SPTBN4: variants seen among roughly 807,000 people sequenced by gnomAD.
SPTBN4 encodes the protein spectrin beta chain, non-erythrocytic 4.
SPTBN4 carries 96 observed loss-of-function variants against 277.8 expected under a neutral mutation model. The observed-to-expected ratio is 0.35, with a 90% confidence interval of 0.29 to 0.41. SPTBN4 has a LOEUF of 0.41. Among genes scored for constraint, SPTBN4 ranks in the 10% least tolerant of loss-of-function variants. The pLI, the probability that SPTBN4 is intolerant of heterozygous loss-of-function variation, is 1.00. For synonymous variants in SPTBN4, 1,481 were observed against 1,580.3 expected, an observed-to-expected ratio of 0.94 and a Z score of 1.49; for missense variants, 3,006 against 3,595.7, an observed-to-expected ratio of 0.84 and a Z score of 4.19.
rs934600280 is a variant in SPTBN4, at chr19:40,539,578, G to A, written c.4359+5235G>A. Reference sequence around the variant, plus strand: ...TGCAACCTCCGCCTCCTGGCTTCAAGTGATTCTCCTGCCTCAGCGTCCTCC... The same window carrying A: ...TGCAACCTCCGCCTCCTGGCTTCAAATGATTCTCCTGCCTCAGCGTCCTCC... On this transcript the variant is annotated intron_variant, in intron 20 of 35. Transcript: ENST00000598249. 5.3e-5 allele frequency among the ~76,000 whole-genome samples: 8 copies of A among 152,280 alleles called. No individual in the cohort carries two copies. The South Asian group carries it at 1.7e-3, about 32-fold the overall frequency.
chr19:40,531,778 G>A (rs1008369142), intron 18 of SPTBN4, among the ~76,000 whole-genome samples: 10 of 151,936 alleles, frequency 6.6e-5, no homozygotes, highest in African/African-American at 2.2e-4. Context: ...TAGGGGTGGG[G>A]GTGCTGGCCG....
chr19:40,562,644 G>C (rs1300330775), intron 27 of SPTBN4, among the ~76,000 whole-genome samples: 1 of 151,154 alleles, frequency 6.6e-6, no homozygotes, highest in Non-Finnish European at 1.5e-5. Flanking sequence ...AGAGCAGCCT[G>C]ACCAACATAG....
Position 40,490,144 on chromosome 19 carries a change from A to T in SPTBN4, c.391A>T (p.Lys131Ter). ...ENVDKALQFL[K>*]EQRVHLENVG... is the part of the protein sequence containing the mutation. Reference sequence around the variant, plus strand: ...CGTGGACAAGGCGCTGCAGTTTCTGAAGGAGCAGCGCGTGCACCTGGAGAA... The same window carrying T: ...CGTGGACAAGGCGCTGCAGTTTCTGTAGGAGCAGCGCGTGCACCTGGAGAA... Residue 131 changes from lysine (K) to a stop codon, truncating the protein, a stop_gained, in exon 4 of 36, where the codon AAG (lysine) becomes TAG (stop). Transcript: ENST00000598249. LOFTEE classifies it high-confidence loss of function. The surrounding 1 kb of genome is among the most constrained non-coding windows in gnomAD (Gnocchi z 4.3). 1.2e-6 allele frequency: 2 copies of T among 1,614,128 alleles called. No homozygotes were observed. The highest frequency in any genetic ancestry group is 2.2e-5 in the South Asian group (2 of 91,084).
chr19:40,560,707 G>A lies in SPTBN4; in HGVS notation c.5915+304G>A. The A allele has an allele frequency of 1.4e-6, 2 of 1,405,006 alleles. No homozygotes were observed. Among genetic ancestry groups the A allele is most frequent in the Non-Finnish European group, 1.8e-6 (2 of 1,082,656 alleles). The allele number at this position is 1,405,006 out of a possible 1,614,324, so 87.0% of individuals were successfully genotyped here. On this transcript the variant is annotated intron_variant, in intron 27 of 35. Transcript: ENST00000598249. This position sits in a 1 kb window ranked among gnomAD's most constrained non-coding sequence, Gnocchi z 5.2. ...TAAAGACAGGATGGGCAAGGGAGGT[G>A]TGGGACTGTATTTGTGAGGGTGGGT...
intron 13 of SPTBN4, among the ~76,000 whole-genome samples, chr19:40,507,985 T>C (rs1450869340): frequency 6.6e-6 from 1 of 152,206 alleles, no homozygotes; most frequent in African/African-American, 2.4e-5. Context: ...GCAGAGCCAA[T>C]GGGACCCAGG....
In SPTBN4 at chr19:40,554,053, C is replaced by A; in HGVS notation, c.4675-94C>A. 7.9e-7 allele frequency: 1 copy of A among 1,267,258 alleles called. No homozygotes were observed. The highest frequency in any genetic ancestry group is 1.0e-6 in the Non-Finnish European group (1 of 975,850). The allele number at this position is 1,267,258 out of a possible 1,614,324, so 78.5% of individuals were successfully genotyped here. ...CGAGCTGGGGGTGCTTGTTAATTGC[C>A]CCGTGGGCCGTGCCAGTAGCAGAGG... On this transcript the variant is annotated intron_variant, in intron 22 of 35. Coordinates refer to ENST00000598249, the MANE Select transcript of SPTBN4 (RefSeq NM_020971.3). This position sits in a 1 kb window ranked among gnomAD's most constrained non-coding sequence, Gnocchi z 5.7.
At chr19:40,504,648 G>A (rs891017518) in intron 12 of SPTBN4, among the ~76,000 whole-genome samples, 12 of 149,970 alleles carry the variant, frequency 8.0e-5, no homozygotes, top group Non-Finnish European at 1.5e-4. Flanking sequence ...CAGCCTGGGC[G>A]ACAGAGCGAG....
chr19:40,565,452 A>G lies in SPTBN4; in HGVS notation c.5945A>G (p.Asn1982Ser). The G allele has an allele frequency of 6.2e-7, 1 of 1,614,034 alleles. No homozygotes were observed. Among genetic ancestry groups the G allele is most frequent in the Non-Finnish European group, 8.5e-7 (1 of 1,179,964 alleles). Residue 1982 changes from asparagine to serine, a missense_variant, in exon 28 of 36, where the codon AAC becomes AGC. Around this residue, in one of 5 missense-constraint regions of SPTBN4, gnomAD observed 425 missense variants for 594.7 expected, o/e 0.71. Transcript: ENST00000598249. The stretch of plus-strand genomic sequence containing the variant: ...GTGTCATCAGTGGAGGTGCTCATGA[A>G]CTACCACCAGGGCCTGAAGACTGAG... ...RDVSSVEVLM[N>S]YHQGLKTELE...
Position 40,567,674 on chromosome 19 carries a change from C to A in SPTBN4, c.6348C>A (p.Ile2116=). The A allele has an allele frequency of 7.6e-7, 1 of 1,320,848 alleles. No individual in the cohort carries two copies. The highest frequency in any genetic ancestry group is 1.3e-5 in the South Asian group (1 of 79,562). The allele number at this position is 1,320,848 out of a possible 1,614,324, so 81.8% of individuals were successfully genotyped here. A position where few individuals can be genotyped will look rare whatever the true frequency, so the allele number is the denominator to read the frequency against. Residue 2116 remains isoleucine (I), a synonymous_variant, in exon 31 of 36, where the codon ATC becomes ATA. Transcript: ENST00000598249. ...SLRRLTTIEK[I]KAEQSKQPPT... is the part of the protein sequence containing the mutation. Reference sequence around the variant, plus strand: ...CCCTCCATCCTCAGATCGAGAAAATCAAAGCGGAACAGAGCAAGCAGCCGC... The same window carrying A: ...CCCTCCATCCTCAGATCGAGAAAATAAAAGCGGAACAGAGCAAGCAGCCGC...
chr19:40,476,804 G>A (rs1372037918), intron 2 of SPTBN4, among the ~76,000 whole-genome samples: 1 of 152,020 alleles, frequency 6.6e-6, no homozygotes, highest in African/African-American at 2.4e-5. Flanking sequence ...AGCCAGGATG[G>A]TTTTGATCTC....
At chr19:40,493,781 A>G (rs1249004884) in intron 5 of SPTBN4, among the ~76,000 whole-genome samples, 1 of 152,180 alleles carries the variant, frequency 6.6e-6, no homozygotes, top group Non-Finnish European at 1.5e-5. Context: ...AATAAAATAG[A>G]ACTCTTGGAC....
chr19:40,544,694 G>A (rs754106641), intron 20 of SPTBN4, among the ~76,000 whole-genome samples: 2 of 151,744 alleles, frequency 1.3e-5, no homozygotes, highest in Admixed American at 6.6e-5. Context: ...GGTGATCCAC[G>A]CGCCTTGGCC....
Position 40,521,018 on chromosome 19 carries a change from G to A in SPTBN4, c.3654+867G>A, listed in dbSNP as rs147388327. ...CAGCTCACTGAAACCTCAGCCTCCC[G>A]GGTTCAAACGATTCTCCTGCCTCAG... is the stretch of plus-strand genomic sequence containing the variant. On this transcript the variant is annotated intron_variant, in intron 16 of 35. Coordinates refer to ENST00000598249, the MANE Select transcript of SPTBN4 (RefSeq NM_020971.3). Among the ~76,000 whole-genome samples the A allele has an allele frequency of 1.1e-4, 16 of 152,050 alleles. No individual in the cohort carries two copies. The East Asian group carries it at 1.2e-3, about 11-fold the overall frequency.
chr19:40,513,235 C>T lies in SPTBN4; in HGVS notation c.2446C>T (p.Arg816Cys). The change falls in exon 14 of 36, where the codon CGC becomes TGC. Residue 816 changes from arginine to cysteine, a missense_variant. This residue lies in a region of SPTBN4 where 1,759 missense variants were observed against 2,061.5 expected (regional missense o/e 0.85). Coordinates refer to ENST00000598249, the MANE Select transcript of SPTBN4 (RefSeq NM_020971.3). ...ASSRRLARQHRALTGEVEAHR... is the reference protein window; with the variant it reads ...ASSRRLARQHCALTGEVEAHR... The stretch of plus-strand genomic sequence containing the variant: ...CAGCCGCCGCCTGGCGCGCCAGCAC[C>T]GCGCGCTCACCGGGGAGGTGGAGGC... 6.6e-7 allele frequency: 1 copy of T among 1,516,084 alleles called. No homozygotes were observed. Among genetic ancestry groups the T allele is most frequent in the Non-Finnish European group, 8.8e-7 (1 of 1,139,086 alleles). 93.9% of individuals were successfully genotyped at this position (1,516,084 alleles called of 1,614,324 possible). A position where few individuals can be genotyped will look rare whatever the true frequency, so the allele number is the denominator to read the frequency against.
At position 40,554,681 on chromosome 19, in the gene SPTBN4, C is replaced by T. The variant is rs1290756337; in HGVS notation, c.5084+35C>T. ...CGCGTGGCCAGTTCACAGGAATGGT[C>T]CAGCAGGACCTGAAGCTTCGCTGTT... On this transcript the variant is annotated intron_variant, in intron 24 of 35. Coordinates refer to ENST00000598249, the MANE Select transcript of SPTBN4 (RefSeq NM_020971.3). This position sits in a 1 kb window ranked among gnomAD's most constrained non-coding sequence, Gnocchi z 5.7. 1 of 1,590,544 alleles carries T rather than the reference C, an allele frequency of 6.3e-7. No homozygotes were observed. Among genetic ancestry groups the T allele is most frequent in the Non-Finnish European group, 8.6e-7 (1 of 1,169,586 alleles).
intron 27 of SPTBN4, among the ~76,000 whole-genome samples, chr19:40,563,417 A>G (rs1427366416): frequency 6.6e-6 from 1 of 152,092 alleles, no homozygotes; most frequent in Non-Finnish European, 1.5e-5. Flanking sequence ...GTGCTGTCCA[A>G]TAGTTATATA....
chr19:40,574,608 C>CG lies in SPTBN4; in HGVS notation c.7537-802dup, dbSNP rs556039664. On this transcript the variant is annotated intron_variant, in intron 35 of 35. Coordinates refer to ENST00000598249, the MANE Select transcript of SPTBN4 (RefSeq NM_020971.3). ...AACTCCTGACCTCAGGTGATCCACC[C>CG]GCCTCAGCCTCCCAAAGTGCTGGGA... Among the ~76,000 whole-genome samples, 361 of 152,142 alleles carry CG rather than the reference C, an allele frequency of 2.4e-3. 2 individuals carry two copies. The highest frequency in any genetic ancestry group is 8.2e-3 in the African/African-American group (340 of 41,552).
At chr19:40,477,155 G>T (rs1476349542) in intron 2 of SPTBN4, among the ~76,000 whole-genome samples, 1 of 151,306 alleles carries the variant, frequency 6.6e-6, no homozygotes, top group African/African-American at 2.4e-5. Context: ...TCCTCCCACC[G>T]TAGCCTCCCA....
In SPTBN4 at chr19:40,560,218, C is replaced by T. The variant is rs766331235; in HGVS notation, c.5730C>T (p.Ala1910=). The change falls in exon 27 of 36, where the codon GCC becomes GCT. Residue 1910 remains alanine (A), a synonymous_variant. Transcript: ENST00000598249. This position sits in a 1 kb window ranked among gnomAD's most constrained non-coding sequence, Gnocchi z 5.2. ...GGACGGTGTATGCGGGTGAACATGC[C>T]GAGGCCATCGCTAGCCGGGAGCAGG... ...QLRTVYAGEH[A]EAIASREQEV... 78 of 1,608,538 alleles carry T rather than the reference C, an allele frequency of 4.8e-5. 1 individual carries two copies. Among genetic ancestry groups the T allele is most frequent in the South Asian group, 3.3e-5 (3 of 91,076 alleles).
Sources: allele counts gnomAD v4.1 joint callset (sites outside exome capture counted in the v4.1 genomes callset), GRCh38; gene constraint gnomAD v4.1.1; regional missense constraint gnomAD v4.1.1; non-coding constraint Gnocchi (gnomAD v3.1); transcripts MANE v1.5; gene names NCBI Gene and HGNC (gene_info 2026-07-23, HGNC 2026-07-21).